Variants in OPCML observed in about 807,000 individuals in gnomAD.
The protein encoded by OPCML is opioid binding protein/cell adhesion molecule like.
A neutral mutation model predicts 37.8 loss-of-function variants in OPCML; 13 were observed. That is an observed-to-expected ratio of 0.34 (90% CI 0.22 to 0.55). The LOEUF is 0.55. Among genes scored for constraint, OPCML ranks in the 20% least tolerant of loss-of-function variants. The pLI is 0.91. For synonymous variants in OPCML, 176 were observed against 168.8 expected (o/e 1.04, Z -0.33); for missense variants, 341 against 435.6 (o/e 0.78, Z 1.93).
At chr11:132,619,694 A>G (rs898357012) in intron 3 of OPCML, among the ~76,000 whole-genome samples, 7 of 150,976 alleles carry the variant, frequency 4.6e-5, no homozygotes, top group African/African-American at 1.7e-4. Context: ...AAAAAAAAAA[A>G]AAAAAAAATT....
rs1024627174 is a variant in OPCML at position 133,439,325 on chromosome 11, A to G, written c.61+92939T>C. On this transcript the variant is annotated intron_variant, in intron 1 of 7. Transcript: ENST00000524381. The stretch of plus-strand genomic sequence containing the variant: ...TTTTTTTTTAAAGCCAACCTCAAGC[A>G]AAGAAAAATAAAAACAAACAAACCA... 8 of 984,928 alleles carry G rather than the reference A, an allele frequency of 8.1e-6. No homozygotes were observed. In the African/African-American group the frequency reaches 1.2e-4, roughly 15 times the overall value. The allele number at this position is 984,928 out of a possible 1,614,324, so 61.0% of individuals were successfully genotyped here.
chr11:132,592,632 G>C (rs910052695), intron 3 of OPCML, among the ~76,000 whole-genome samples: 1 of 152,208 alleles, frequency 6.6e-6, no homozygotes, highest in African/African-American at 2.4e-5. Flanking sequence ...GACCCTCCTT[G>C]ACATGCTTGG....
chr11:133,224,961 C>A (rs1321973296), intron 1 of OPCML, among the ~76,000 whole-genome samples: 1 of 152,164 alleles, frequency 6.6e-6, no homozygotes, highest in African/African-American at 2.4e-5. Flanking sequence ...CTGCAAGTTT[C>A]ACAGCACTGA....
intron 2 of OPCML, among the ~76,000 whole-genome samples, chr11:132,786,698 TAAA>T (rs999560785): frequency 6.6e-6 from 1 of 150,770 alleles, no homozygotes; most frequent in East Asian, 1.9e-4. Flanking sequence ...TGTAGGTGTT[TAAA>T]AAAAAAATCT....
chr11:132,623,188 T>C (rs1433618963), intron 3 of OPCML, among the ~76,000 whole-genome samples: 4 of 152,310 alleles, frequency 2.6e-5, no homozygotes, highest in East Asian at 3.9e-4. Flanking sequence ...CATCTGTTTC[T>C]GAGCGGTAAA....
At chr11:132,999,097 A>G (rs1161757542) in intron 1 of OPCML, among the ~76,000 whole-genome samples, 2 of 152,178 alleles carry the variant, frequency 1.3e-5, no homozygotes, top group African/African-American at 4.8e-5. Context: ...AGAAAGTCCT[A>G]TATTTCTTTA....
At chr11:133,037,548 T>A (rs1947804877) in intron 1 of OPCML, among the ~76,000 whole-genome samples, 1 of 152,166 alleles carries the variant, frequency 6.6e-6, no homozygotes, top group Admixed American at 6.5e-5. Flanking sequence ...AAGTGCAAGC[T>A]CCTATATATG....
intron 1 of OPCML, among the ~76,000 whole-genome samples, chr11:133,147,958 C>T (rs1307540969): frequency 1.3e-5 from 2 of 152,170 alleles, no homozygotes; most frequent in African/African-American, 4.8e-5. Context: ...TCCTCCTGCC[C>T]ATCTCTCATC....
At chr11:132,444,670 C>T (rs1200236069) in intron 4 of OPCML, among the ~76,000 whole-genome samples, 1 of 152,258 alleles carries the variant, frequency 6.6e-6, no homozygotes, top group Non-Finnish European at 1.5e-5. Flanking sequence ...CTCTCCCTCT[C>T]CTATTTAATC....
intron 1 of OPCML, chr11:133,420,753 A>G (rs559755616): frequency 2.2e-4 from 220 of 985,310 alleles, no homozygotes; most frequent in Non-Finnish European, 2.5e-4. Flanking sequence ...AAAAGTAACT[A>G]GAATTCAGCC....
At chr11:132,693,641 A>G (rs535995345) in intron 2 of OPCML, among the ~76,000 whole-genome samples, 20 of 152,240 alleles carry the variant, frequency 1.3e-4, no homozygotes, top group Non-Finnish European at 2.6e-4. Context: ...TACCTGGGTA[A>G]GCAATCAGCT....
intron 1 of OPCML, chr11:133,422,376 AT>A: frequency 1.1e-6 from 1 of 891,002 alleles, no homozygotes; most frequent in South Asian, 5.3e-5. Context: ...GACCAAAGAC[AT>A]TATATATATA....
intron 3 of OPCML, among the ~76,000 whole-genome samples, chr11:132,595,840 T>C (rs1300402993): frequency 6.6e-6 from 1 of 152,190 alleles, no homozygotes; most frequent in African/African-American, 2.4e-5. Flanking sequence ...ATGTTGCTTA[T>C]CTCTGGAAGT....
intron 1 of OPCML, among the ~76,000 whole-genome samples, chr11:133,458,624 C>A (rs1282137593): frequency 8.3e-6 from 1 of 120,578 alleles, no homozygotes; most frequent in Admixed American, 7.4e-5. Flanking sequence ...CATATATACA[C>A]GTGTGTGTGT....
In OPCML at chr11:133,022,484, G is replaced by GT. The variant is rs111241420; in HGVS notation, c.62-79475dup. Among the ~76,000 whole-genome samples, 677 of 144,084 alleles carry GT rather than the reference G, an allele frequency of 4.7e-3. 3 individuals are homozygous for GT. Among genetic ancestry groups the GT allele is most frequent in the Middle Eastern group, 7.2e-3 (2 of 276 alleles). The allele number at this position is 144,084 out of a possible 152,430, so 94.5% of individuals were successfully genotyped here. ...ATGGTGAGCATTTTACCCAATAGGT[G>GT]TTTTTTTTTTTTCTGCTTTTATCCC... On this transcript the variant is annotated intron_variant, in intron 1 of 7. Coordinates refer to ENST00000524381, the MANE Select transcript of OPCML (RefSeq NM_001012393.5).
chr11:133,228,298 C>G (rs528812981), intron 1 of OPCML, among the ~76,000 whole-genome samples: 1 of 152,236 alleles, frequency 6.6e-6, no homozygotes, highest in South Asian at 2.1e-4. Flanking sequence ...GTGTTCACAC[C>G]CCGGTTTTAC....
intron 1 of OPCML, among the ~76,000 whole-genome samples, chr11:133,525,270 G>C (rs529717790): frequency 2.6e-5 from 4 of 152,296 alleles, no homozygotes; most frequent in Admixed American, 2.6e-4. Context: ...AGGATGTGTA[G>C]CCAGAAAAAA....
chr11:133,515,681 T>C (rs917281866), intron 1 of OPCML, among the ~76,000 whole-genome samples: 1 of 151,976 alleles, frequency 6.6e-6, no homozygotes, highest in African/African-American at 2.4e-5. Context: ...GTAATGGGCT[T>C]GGGGTGCATC....
intron 3 of OPCML, among the ~76,000 whole-genome samples, chr11:132,595,424 C>G (rs1455507435): frequency 6.6e-6 from 1 of 152,172 alleles, no homozygotes; most frequent in African/African-American, 2.4e-5. Flanking sequence ...AGATGGTCCT[C>G]TCTGCTGTTA....
Sources: allele counts gnomAD v4.1 joint callset (sites outside exome capture counted in the v4.1 genomes callset), GRCh38; gene constraint gnomAD v4.1.1; transcripts MANE v1.5; gene names NCBI Gene and HGNC (gene_info 2026-07-23, HGNC 2026-07-21).